FOXO1: variants seen among roughly 807,000 people sequenced by gnomAD.
FOXO1 encodes forkhead box protein O1.
In FOXO1, 6 loss-of-function variants were observed where a neutral mutation model predicts 44.1. That is an observed-to-expected ratio of 0.14 (90% CI 0.07 to 0.27). FOXO1 has a LOEUF of 0.27. Among genes scored for constraint, FOXO1 ranks in the 10% least tolerant of loss-of-function variants. The probability of loss-of-function intolerance (pLI) is 1.00; values close to 1 mark genes in which losing one functional copy is unlikely to be tolerated. For missense variants in FOXO1, 737 were observed against 888.8 expected (o/e 0.83, Z 2.17); for synonymous variants, 380 against 362.7 (o/e 1.05, Z -0.54).
chr13:40,571,099 A>T (rs796209660), intron 1 of FOXO1, among the ~76,000 whole-genome samples: 2 of 152,254 alleles, frequency 1.3e-5, no homozygotes, highest in African/African-American at 4.8e-5. Flanking sequence ...CATCAACCCT[A>T]GCTAATAAGG....
chr13:40,560,468 C>G lies in FOXO1; in HGVS notation c.1023G>C (p.Gly341=). Residue 341 remains glycine (G), a synonymous_variant, in exon 2 of 3, where the codon GGG becomes GGC. Transcript: ENST00000379561. This position sits in a 1 kb window ranked among gnomAD's most constrained non-coding sequence, Gnocchi z 5.1. ...GCGGGTACACCATAGAATGCACATC[C>G]CCTTCTCCAAGATCATCCTGTTCGG... is the stretch of plus-strand genomic sequence containing the variant. ...IMTEQDDLGE[G]DVHSMVYPPS... The G allele has an allele frequency of 1.2e-6, 2 of 1,614,112 alleles. No homozygotes were observed. The highest frequency in any genetic ancestry group is 2.2e-5 in the South Asian group (2 of 91,062).
intron 1 of FOXO1, among the ~76,000 whole-genome samples, chr13:40,645,253 C>T (rs1163698782): frequency 6.6e-6 from 1 of 152,150 alleles, no homozygotes; most frequent in Non-Finnish European, 1.5e-5. Context: ...AACTGTTTCC[C>T]TCCCCTTCCC....
intron 1 of FOXO1, among the ~76,000 whole-genome samples, chr13:40,570,041 A>G (rs895965572): frequency 6.6e-6 from 1 of 151,840 alleles, no homozygotes; most frequent in Non-Finnish European, 1.5e-5. Flanking sequence ...GGCCAGGCGC[A>G]GTGGCTCATG....
intron 1 of FOXO1, among the ~76,000 whole-genome samples, chr13:40,585,522 G>A (rs1875131662): frequency 1.3e-5 from 2 of 152,214 alleles, no homozygotes; most frequent in South Asian, 4.1e-4. Context: ...TGCAGAGAAA[G>A]GGTAATCACT....
intron 1 of FOXO1, among the ~76,000 whole-genome samples, chr13:40,635,908 C>A (rs1318662500): frequency 1.3e-5 from 2 of 152,198 alleles, no homozygotes; most frequent in East Asian, 3.9e-4. Context: ...CACAGTGGCG[C>A]CCATCTGTAA....
chr13:40,611,770 T>C (rs1208445239), intron 1 of FOXO1, among the ~76,000 whole-genome samples: 3 of 152,118 alleles, frequency 2.0e-5, no homozygotes, highest in African/African-American at 4.8e-5. Flanking sequence ...AACAGTAAAA[T>C]GTAAAAACCC....
rs574628213 is a variant in FOXO1, at chr13:40,619,209, G to A, written c.630+46374C>T. ...CTCAGGAGGCTGAGGCAGGAGAATCGCTTGAATCTGGGAGGCGGAGTTTGC... is the reference window on the plus strand; with the variant it reads ...CTCAGGAGGCTGAGGCAGGAGAATCACTTGAATCTGGGAGGCGGAGTTTGC... On this transcript the variant is annotated intron_variant, in intron 1 of 2. Coordinates refer to ENST00000379561, the MANE Select transcript of FOXO1 (RefSeq NM_002015.4). The A allele has an allele frequency of 5.4e-4, 193 of 358,546 alleles. 2 individuals carry two copies. Among genetic ancestry groups the A allele is most frequent in the South Asian group, 4.2e-3 (185 of 44,528 alleles). The allele number at this position is 358,546 out of a possible 1,614,324, so 22.2% of individuals were successfully genotyped here.
At chr13:40,614,149 C>T (rs1468855907) in intron 1 of FOXO1, among the ~76,000 whole-genome samples, 1 of 152,134 alleles carries the variant, frequency 6.6e-6, no homozygotes, top group Non-Finnish European at 1.5e-5. Flanking sequence ...AGGGAACTAA[C>T]CTGGCACCAG....
chr13:40,645,459 C>A (rs138727744), intron 1 of FOXO1, among the ~76,000 whole-genome samples: 1 of 152,256 alleles, frequency 6.6e-6, no homozygotes, highest in African/African-American at 2.4e-5. Flanking sequence ...ATCATGTTCA[C>A]GCCCAGGGTG....
At chr13:40,654,618 G>A (rs949290385) in intron 1 of FOXO1, among the ~76,000 whole-genome samples, 7 of 152,070 alleles carry the variant, frequency 4.6e-5, no homozygotes, top group East Asian at 1.9e-4. Context: ...ACAAGATGCT[G>A]GAACCAAGTC....
intron 1 of FOXO1, among the ~76,000 whole-genome samples, chr13:40,614,269 A>T (rs1876337229): frequency 6.6e-6 from 1 of 152,198 alleles, no homozygotes; most frequent in Admixed American, 6.5e-5. Flanking sequence ...TGGAAATTTT[A>T]AAGCTAGATA....
At chr13:40,625,129 T>G (rs1876745276) in intron 1 of FOXO1, among the ~76,000 whole-genome samples, 1 of 152,172 alleles carries the variant, frequency 6.6e-6, no homozygotes, top group Non-Finnish European at 1.5e-5. Context: ...ATTACCACAC[T>G]CAGTTGAGAA....
At chr13:40,607,725 C>A (rs902512513) in intron 1 of FOXO1, among the ~76,000 whole-genome samples, 13 of 152,252 alleles carry the variant, frequency 8.5e-5, no homozygotes, top group African/African-American at 3.1e-4. Flanking sequence ...TGAGCCTACA[C>A]CAACACAAAG....
At chr13:40,599,271 G>C (rs4943794) in intron 1 of FOXO1, among the ~76,000 whole-genome samples, 25,692 of 150,744 alleles carry the variant, frequency 0.17, 2,510 homozygotes, top group South Asian at 0.3. Flanking sequence ...TGTCAGGGAA[G>C]AATTTATCTA....
intron 1 of FOXO1, among the ~76,000 whole-genome samples, chr13:40,630,652 A>G (rs1288891195): frequency 1.4e-5 from 2 of 141,116 alleles, no homozygotes; most frequent in African/African-American, 5.1e-5. Flanking sequence ...AAAACTTCTC[A>G]AAAAAAAAAA....
At chr13:40,583,281 T>C (rs986168938) in intron 1 of FOXO1, among the ~76,000 whole-genome samples, 7 of 152,228 alleles carry the variant, frequency 4.6e-5, no homozygotes, top group African/African-American at 1.7e-4. Context: ...AGAGTTGATT[T>C]AGCATACTTC....
intron 1 of FOXO1, among the ~76,000 whole-genome samples, chr13:40,581,785 C>T (rs1874965648): frequency 6.6e-6 from 1 of 152,138 alleles, no homozygotes; most frequent in Non-Finnish European, 1.5e-5. Context: ...ATCATGCTGA[C>T]TTTTATTAAA....
intron 1 of FOXO1, among the ~76,000 whole-genome samples, chr13:40,643,307 A>G (rs1454421057): frequency 2.7e-5 from 4 of 150,256 alleles, no homozygotes; most frequent in Non-Finnish European, 5.9e-5. Flanking sequence ...GCTCCACTGT[A>G]CTCCAGCCTG....
intron 1 of FOXO1, among the ~76,000 whole-genome samples, chr13:40,631,624 A>C (rs1272227987): frequency 6.6e-6 from 1 of 152,256 alleles, no homozygotes; most frequent in Non-Finnish European, 1.5e-5. Context: ...CACAAGTTAC[A>C]ACATGGATGG....
Sources: gnomAD v4.1 joint callset for allele counts (sites outside exome capture counted in the v4.1 genomes callset) on GRCh38, gnomAD v4.1.1 for gene constraint, Gnocchi (gnomAD v3.1) non-coding constraint, MANE v1.5 for transcripts, NCBI Gene and HGNC (gene_info 2026-07-23, HGNC 2026-07-21) for gene names.